HYDIN: variants seen among roughly 807,000 people sequenced by gnomAD.
HYDIN encodes the protein axonemal central pair apparatus protein HYDIN.
Under a neutral mutation model 403.9 loss-of-function variants are expected in HYDIN, and 132 were observed. The observed-to-expected ratio is 0.33, with a 90% CI of 0.28 to 0.38. The LOEUF (loss-of-function observed/expected upper bound fraction) is 0.38. Among genes scored for constraint, HYDIN ranks in the 10% least tolerant of loss-of-function variants. The pLI, the probability that HYDIN is intolerant of heterozygous loss-of-function variation, is 1.00. For missense variants in HYDIN, 2,827 were observed against 5,009.5 expected (o/e 0.56, Z 13.15); for synonymous variants, 1,202 against 1,891.7 (o/e 0.64, Z 9.46).
At position 71,135,925 on chromosome 16, in the gene HYDIN, G is replaced by C. The variant is rs569367359; in HGVS notation, c.1043+1226C>G. ...TGATTCAATTAGGGACTGCACACTG[G>C]GGGGGTTCTTCCTGGTTTCCACGGA... On this transcript the variant is annotated intron_variant, in intron 8 of 85. Transcript: ENST00000393567. 4.2e-4 allele frequency among the ~76,000 whole-genome samples: 63 copies of C among 150,958 alleles called. 1 individual carries two copies. The highest frequency in any genetic ancestry group is 1.2e-3 in the African/African-American group (50 of 41,070).
intron 1 of HYDIN, among the ~76,000 whole-genome samples, chr16:71,204,514 C>T (rs1252664582): frequency 1.3e-5 from 2 of 152,204 alleles, no homozygotes. Context: ...CTTATACATC[C>T]TTACTAGCAG....
intron 79 of HYDIN, 45 bp from the exon 80 acceptor site, chr16:70,833,112 G>GT (rs758485896): frequency 6.5e-7 from 1 of 1,541,642 alleles, no homozygotes; most frequent in African/African-American, 1.4e-5. Context: ...TATGGATGTT[G>GT]TAAGGGTGTC....
intron 37 of HYDIN, 33 bp downstream of exon 37, chr16:70,964,695 T>G: frequency 6.2e-7 from 1 of 1,611,718 alleles, no homozygotes; most frequent in Non-Finnish European, 8.5e-7. Context: ...AGGCAATGGT[T>G]AGCATGAGGT....
At chr16:70,856,787 G>A (rs1774412) in intron 72 of HYDIN, among the ~76,000 whole-genome samples, 318 of 145,752 alleles carry the variant, frequency 2.2e-3, no homozygotes, top group South Asian at 4.2e-3. Context: ...ACCTAATTAT[G>A]TGTATCGGTA....
In HYDIN at chr16:71,211,171, G is replaced by C. The variant is rs76651422; in HGVS notation, c.-24+19391C>G. Among the ~76,000 whole-genome samples, 1,285 of 152,134 alleles carry C rather than the reference G, an allele frequency of 8.4e-3. 17 individuals carry two copies. Among genetic ancestry groups the C allele is most frequent in the African/African-American group, 0.029 (1,222 of 41,508 alleles). ...GTCATAAAACCTGTCCTGGTGCTGA[G>C]CAGAAAAAGAGAATAAAAAGAAAGA... On this transcript the variant is annotated intron_variant, in intron 1 of 85. Transcript: ENST00000393567.
chr16:70,838,469 G>A (rs1321601416), intron 76 of HYDIN, among the ~76,000 whole-genome samples: 1 of 152,150 alleles, frequency 6.6e-6, no homozygotes, highest in Admixed American at 6.5e-5. Flanking sequence ...GGGATTACAG[G>A]CCACCGCGCC....
intron 53 of HYDIN, among the ~76,000 whole-genome samples, chr16:70,896,674 T>A (rs113438527): frequency 5.4e-5 from 8 of 147,802 alleles, no homozygotes; most frequent in Non-Finnish European, 3.0e-5. Context: ...TTTTTTTTTT[T>A]AACTTCTAAA....
At chr16:71,056,868 A>G (rs1307981035) in intron 18 of HYDIN, among the ~76,000 whole-genome samples, 2 of 139,566 alleles carry the variant, frequency 1.4e-5, no homozygotes, top group Non-Finnish European at 3.2e-5. Flanking sequence ...CTTCCACTGT[A>G]GTTAATTTCA....
intron 18 of HYDIN, among the ~76,000 whole-genome samples, chr16:71,054,489 T>A (rs2081799456): frequency 6.6e-6 from 1 of 152,094 alleles, no homozygotes; most frequent in Admixed American, 6.5e-5. Context: ...TAGCATGGAA[T>A]CTTCTAATAC....
chr16:70,860,985 C>CACCAGAATGTGAGCTCTAT, intron 69 of HYDIN, 84 bp from the exon 70 acceptor site: 1 of 1,037,382 alleles, frequency 9.6e-7, no homozygotes, highest in Non-Finnish European at 1.4e-6. Context: ...ATCTTATATC[C>CACCAGAATGTGAGCTCTAT]ACCAGAATGT....
intron 18 of HYDIN, among the ~76,000 whole-genome samples, chr16:71,053,247 C>T (rs947914403): frequency 6.6e-6 from 1 of 152,038 alleles, no homozygotes; most frequent in Non-Finnish European, 1.5e-5. Context: ...GATATAATCA[C>T]TTTGGAGAGT....
At chr16:71,159,856 C>CT (rs2085928861) in intron 6 of HYDIN, among the ~76,000 whole-genome samples, 1 of 151,390 alleles carries the variant, frequency 6.6e-6, no homozygotes, top group Admixed American at 6.6e-5. Context: ...AAAATAAACA[C>CT]TTTTTTCCAG....
intron 1 of HYDIN, 89 bp downstream of exon 1, chr16:71,230,473 G>GCGAGGA (rs1193615410): frequency 3.5e-6 from 5 of 1,418,212 alleles, no homozygotes; most frequent in South Asian, 1.4e-5. Flanking sequence ...GGGACGCAGG[G>GCGAGGA]CGAGGACGAG....
chr16:71,077,580 T>C (rs1319377748), intron 13 of HYDIN, among the ~76,000 whole-genome samples: 1 of 152,088 alleles, frequency 6.6e-6, no homozygotes, highest in East Asian at 1.9e-4. Flanking sequence ...CAACTACTTA[T>C]CTTTTATTTC....
intron 12 of HYDIN, among the ~76,000 whole-genome samples, chr16:71,087,057 C>T (rs1418536972): frequency 6.6e-6 from 1 of 151,460 alleles, no homozygotes; most frequent in Non-Finnish European, 1.5e-5. Flanking sequence ...ATAACAAACA[C>T]ACATGTATTA....
At chr16:71,053,364 T>G (rs1300209080) in intron 18 of HYDIN, among the ~76,000 whole-genome samples, 2 of 152,262 alleles carry the variant, frequency 1.3e-5, no homozygotes, top group Non-Finnish European at 2.9e-5. Context: ...CTCTTGCCTA[T>G]GTACACAAGG....
At chr16:70,994,756 A>C (rs1482789619) in intron 23 of HYDIN, among the ~76,000 whole-genome samples, 5 of 148,684 alleles carry the variant, frequency 3.4e-5, no homozygotes, top group African/African-American at 1.0e-4. Context: ...CTGATAATTA[A>C]TATGGGGCTA....
chr16:70,849,033 G>C (rs1940597227), intron 75 of HYDIN, among the ~76,000 whole-genome samples: 2 of 152,096 alleles, frequency 1.3e-5, no homozygotes, highest in Non-Finnish European at 2.9e-5. Flanking sequence ...CCCTATGAGG[G>C]GGGGTTCCAC....
At chr16:71,192,864 A>G (rs1342111640) in intron 1 of HYDIN, among the ~76,000 whole-genome samples, 1 of 152,226 alleles carries the variant, frequency 6.6e-6, no homozygotes, top group African/African-American at 2.4e-5. Context: ...TAATTAATCC[A>G]TCCATCATAA....
Sources: gnomAD v4.1 joint callset for allele counts (sites outside exome capture counted in the v4.1 genomes callset) on GRCh38, gnomAD v4.1.1 for gene constraint, MANE v1.5 for transcripts, NCBI Gene and HGNC (gene_info 2026-07-23, HGNC 2026-07-21) for gene names.